The following ZNF431 variants were observed in gnomAD, a reference collection of about 807,000 sequenced individuals.
ZNF431 encodes zinc finger protein 431.
In ZNF431, 34 loss-of-function variants were observed where a neutral mutation model predicts 57.0. The observed-to-expected ratio is 0.60, with a 90% CI of 0.45 to 0.79. The LOEUF (loss-of-function observed/expected upper bound fraction) is 0.79. Among genes scored for constraint, ZNF431 ranks in the 30% least tolerant of loss-of-function variants. ZNF431 has a pLI of 0.00. For synonymous variants in ZNF431, 207 were observed against 220.3 expected (o/e 0.94, Z 0.54); for missense variants, 607 against 667.1 (o/e 0.91, Z 0.99).
chr19:21,181,598 T>G (rs1599619376), intron 4 of ZNF431, among the ~76,000 whole-genome samples: 1 of 152,224 alleles, frequency 6.6e-6, no homozygotes, highest in East Asian at 1.9e-4. Context: ...TTTGTTGAGC[T>G]TCTTCATTTT....
At chr19:21,157,808 G>A (rs567596759) in intron 2 of ZNF431, among the ~76,000 whole-genome samples, 17 of 151,504 alleles carry the variant, frequency 1.1e-4, no homozygotes, top group East Asian at 3.9e-4. Flanking sequence ...GATTACAGGC[G>A]TGAGCCACCG....
Position 21,183,277 on chromosome 19 carries a change from T to A in ZNF431, c.974T>A (p.Phe325Tyr). 1 of 1,614,018 alleles carries A rather than the reference T, an allele frequency of 6.2e-7. No individual in the cohort carries two copies. Among genetic ancestry groups the A allele is most frequent in the Non-Finnish European group, 8.5e-7 (1 of 1,179,962 alleles). ...AAATGTGAAGAATGTGGCAAAGCTTTTAACCAGTCTTCAACCCTTAGTACA... is the reference window on the plus strand; with the variant it reads ...AAATGTGAAGAATGTGGCAAAGCTTATAACCAGTCTTCAACCCTTAGTACA... ...PYKCEECGKA[F>Y]NQSSTLSTHK... The change falls in exon 5 of 5, where the codon TTT becomes TAT. Residue 325 changes from phenylalanine (F) to tyrosine (Y), a missense_variant. Transcript: ENST00000311048.
At position 21,191,687 on chromosome 19, in the gene ZNF431, C is replaced by T. The variant is rs1971513967; in HGVS notation, c.*7653C>T. On this transcript the variant is annotated 3_prime_UTR_variant, in exon 5 of 5. Coordinates refer to ENST00000311048, the MANE Select transcript of ZNF431 (RefSeq NM_133473.4). The stretch of plus-strand genomic sequence containing the variant: ...TAAAGTCACCTGTATTTAAAATCAA[C>T]TGTAAATACATGGATATATTTCTGC... 1 of 152,178 alleles carries T rather than the reference C, an allele frequency of 6.6e-6. No homozygotes were observed. The highest frequency in any genetic ancestry group is 1.5e-5 in the Non-Finnish European group (1 of 68,034). The allele number at this position is 152,178 out of a possible 1,614,324, so 9.4% of individuals were successfully genotyped here.
chr19:21,142,189 G>A lies in ZNF431; in HGVS notation c.3+3G>A, dbSNP rs553613403. 1 of 1,613,218 alleles carries A rather than the reference G, an allele frequency of 6.2e-7. No individual in the cohort carries two copies. On this transcript the variant is annotated splice_donor_region_variant and intron_variant, in intron 1 of 4. Coordinates refer to ENST00000311048, the MANE Select transcript of ZNF431 (RefSeq NM_133473.4). Reference sequence around the variant, plus strand: ...GACCCCCTGAAAGCCTAGAAATGGTGAGAGTGCCGGGTCGGACATCCCGAG... The same window carrying A: ...GACCCCCTGAAAGCCTAGAAATGGTAAGAGTGCCGGGTCGGACATCCCGAG...
chr19:21,173,947 G>T (rs1213022863), intron 4 of ZNF431, among the ~76,000 whole-genome samples: 3 of 150,544 alleles, frequency 2.0e-5, no homozygotes, highest in Non-Finnish European at 4.4e-5. Flanking sequence ...TTCTTTCTTT[G>T]GTTTTTTTTC....
chr19:21,192,904 C>T lies in ZNF431; in HGVS notation c.*8870C>T, dbSNP rs187042405. ...GTGAAATCACAACTAATTCTGCATA[C>T]ATACAAAAAAAGTCAGAGACTACTA... On this transcript the variant is annotated 3_prime_UTR_variant, in exon 5 of 5. Transcript: ENST00000311048. The T allele has an allele frequency of 1.2e-3, 181 of 152,070 alleles. No individual in the cohort carries two copies. Among genetic ancestry groups the T allele is most frequent in the African/African-American group, 4.1e-3 (172 of 41,494 alleles). 9.4% of individuals were successfully genotyped at this position (152,070 alleles called of 1,614,324 possible).
Position 21,183,121 on chromosome 19 carries a change from C to T in ZNF431, c.818C>T (p.Ser273Leu), listed in dbSNP as rs1274060057. ...EECGKAFKQS[S>L]TLTTHKIIHT... ...TGTGGCAAAGCTTTTAAGCAGTCCT[C>T]AACCCTTACTACACATAAGATAATT... The change falls in exon 5 of 5, where the codon TCA becomes TTA. Residue 273 changes from serine to leucine, a missense_variant. By Grantham distance (145) the Ser-to-Leu change is moderately radical. Coordinates refer to ENST00000311048, the MANE Select transcript of ZNF431 (RefSeq NM_133473.4). 1 of 1,613,878 alleles carries T rather than the reference C, an allele frequency of 6.2e-7. No individual in the cohort carries two copies. The highest frequency in any genetic ancestry group is 1.3e-5 in the African/African-American group (1 of 74,922).
rs1458557494 is a variant in ZNF431, at chr19:21,192,520, A to G, written c.*8486A>G. The G allele has an allele frequency of 1.3e-5, 2 of 152,150 alleles. No individual in the cohort carries two copies. Among genetic ancestry groups the G allele is most frequent in the Non-Finnish European group, 2.9e-5 (2 of 68,026 alleles). The allele number at this position is 152,150 out of a possible 1,614,324, so 9.4% of individuals were successfully genotyped here. A position where few individuals can be genotyped will look rare whatever the true frequency, so the allele number is the denominator to read the frequency against. ...CTTAGGCTTTTTTATACTTCAGATT[A>G]TGTATAGGGATAAAAGAAAATTATA... On this transcript the variant is annotated 3_prime_UTR_variant, in exon 5 of 5. Transcript: ENST00000311048.
At position 21,188,843 on chromosome 19, in the gene ZNF431, A is replaced by T. The variant is rs1421102369; in HGVS notation, c.*4809A>T. ...CACCTGCTCTTTGAGTGTCTTTCAT[A>T]CCGTTACCATCAGCACCAGAAACTC... On this transcript the variant is annotated 3_prime_UTR_variant, in exon 5 of 5. Transcript: ENST00000311048. 2.6e-5 allele frequency: 4 copies of T among 152,122 alleles called. No individual in the cohort carries two copies. Among genetic ancestry groups the T allele is most frequent in the African/African-American group, 9.7e-5 (4 of 41,420 alleles). The allele number at this position is 152,122 out of a possible 1,614,324, so 9.4% of individuals were successfully genotyped here. A position where few individuals can be genotyped will look rare whatever the true frequency, so the allele number is the denominator to read the frequency against.
At chr19:21,152,275 G>A (rs1397701648) in intron 2 of ZNF431, among the ~76,000 whole-genome samples, 1 of 152,180 alleles carries the variant, frequency 6.6e-6, no homozygotes, top group Admixed American at 6.5e-5. Context: ...TGGCAGGGTA[G>A]GAAGGCAAAG....
At chr19:21,171,738 T>A (rs1970898934) in intron 4 of ZNF431, among the ~76,000 whole-genome samples, 1 of 86,028 alleles carries the variant, frequency 1.2e-5, no homozygotes. Flanking sequence ...TTTTTTTTTT[T>A]TAGACAGAGT....
chr19:21,187,070 CCTG>C lies in ZNF431; in HGVS notation c.*3040_*3042del, dbSNP rs760597241. On this transcript the variant is annotated 3_prime_UTR_variant, in exon 5 of 5. Coordinates refer to ENST00000311048, the MANE Select transcript of ZNF431 (RefSeq NM_133473.4). ...TTATCCATAATAATTCATAAATATT[CCTG>C]CTGAAGTTAGTTTGTAACTTCAAGT... 3.9e-5 allele frequency: 6 copies of C among 152,016 alleles called. No homozygotes were observed. Among genetic ancestry groups the C allele is most frequent in the Non-Finnish European group, 8.8e-5 (6 of 68,008 alleles). 9.4% of individuals were successfully genotyped at this position (152,016 alleles called of 1,614,324 possible).
chr19:21,164,412 C>T (rs8101995), intron 2 of ZNF431, among the ~76,000 whole-genome samples: 21,274 of 152,016 alleles, frequency 0.14, 1,827 homozygotes, highest in Non-Finnish European at 0.2. Flanking sequence ...TTTAATATGG[C>T]AGATCATATT....
At chr19:21,159,498 G>C (rs1350207038) in intron 2 of ZNF431, among the ~76,000 whole-genome samples, 1 of 151,972 alleles carries the variant, frequency 6.6e-6, no homozygotes, top group Non-Finnish European at 1.5e-5. Flanking sequence ...TCAGCCTCAC[G>C]AGTAGCTGGG....
intron 2 of ZNF431, among the ~76,000 whole-genome samples, chr19:21,165,133 T>G (rs893343556): frequency 8.6e-5 from 13 of 151,928 alleles, no homozygotes; most frequent in Admixed American, 8.5e-4. Flanking sequence ...ACCAGACCCT[T>G]CTCTACATCA....
chr19:21,175,995 C>T (rs1284951857), intron 4 of ZNF431, among the ~76,000 whole-genome samples: 1 of 152,172 alleles, frequency 6.6e-6, no homozygotes, highest in African/African-American at 2.4e-5. Context: ...TTTGAGGAAT[C>T]GCCATACTGG....
At chr19:21,181,013 G>A (rs1971196354) in intron 4 of ZNF431, among the ~76,000 whole-genome samples, 1 of 149,148 alleles carries the variant, frequency 6.7e-6, no homozygotes, top group African/African-American at 2.5e-5. Context: ...CTTCAAATTT[G>A]TCATTGATGT....
chr19:21,150,373 C>G, intron 2 of ZNF431: 1 of 370,426 alleles, frequency 2.7e-6, no homozygotes, highest in South Asian at 2.4e-5. Context: ...TCTTGGCCTC[C>G]TGCTTCTTCA....
At chr19:21,173,199 G>C (rs1970956738) in intron 4 of ZNF431, among the ~76,000 whole-genome samples, 1 of 152,132 alleles carries the variant, frequency 6.6e-6, no homozygotes, top group Admixed American at 6.5e-5. Flanking sequence ...AGAGACACCT[G>C]GGTTGCTTCT....
Sources: gnomAD v4.1 joint callset for allele counts (sites outside exome capture counted in the v4.1 genomes callset) on GRCh38, gnomAD v4.1.1 for gene constraint, MANE v1.5 for transcripts, NCBI Gene and HGNC (gene_info 2026-07-23, HGNC 2026-07-21) for gene names.